The following KIAA1328 variants were observed in gnomAD, a reference collection of about 807,000 sequenced individuals.
KIAA1328 encodes the protein KIAA1328.
A neutral mutation model predicts 68.1 loss-of-function variants in KIAA1328; 52 were observed. That is an observed-to-expected ratio of 0.76 (90% confidence interval 0.61 to 0.96). The LOEUF (loss-of-function observed/expected upper bound fraction) is 0.96, where lower values mean the gene tolerates loss of function less well. Ranked by LOEUF, KIAA1328 falls within the 40% of genes least tolerant of loss-of-function variation. The probability of loss-of-function intolerance (pLI) is 0.00; values close to 1 mark genes in which losing one functional copy is unlikely to be tolerated. For synonymous variants in KIAA1328, 232 were observed against 239.4 expected, an observed-to-expected ratio of 0.97 and a Z score of 0.28; for missense variants, 641 against 677.6, an observed-to-expected ratio of 0.95 and a Z score of 0.60.
chr18:36,996,007 CATT>C (rs2053377156), intron 6 of KIAA1328, among the ~76,000 whole-genome samples: 1 of 152,116 alleles, frequency 6.6e-6, no homozygotes, highest in South Asian at 2.1e-4. Flanking sequence ...GCTTTACAAA[CATT>C]ATCTTTTATT....
At chr18:37,063,022 G>C (rs150475320) in intron 6 of KIAA1328, among the ~76,000 whole-genome samples, 157 of 149,388 alleles carry the variant, frequency 1.1e-3, no homozygotes, top group African/African-American at 3.6e-3. Context: ...TTAAAGTTCA[G>C]CTGGGCTGCA....
At chr18:36,900,052 TCATC>T (rs568707741) in intron 5 of KIAA1328, among the ~76,000 whole-genome samples, 61 of 151,924 alleles carry the variant, frequency 4.0e-4, no homozygotes, top group Admixed American at 2.6e-3. Context: ...TGGAATGAAA[TCATC>T]TATCATCTAC....
In KIAA1328 at chr18:36,857,327, C is replaced by G. The variant is rs537182330; in HGVS notation, c.332+13025C>G. On this transcript the variant is annotated intron_variant, in intron 4 of 9. Coordinates refer to ENST00000280020, the MANE Select transcript of KIAA1328 (RefSeq NM_020776.3). ...ACCTGCTGTCTCTTTTGCCAGGTATCTGTGAGTAGTATATGTCATCTTTAA... is the reference window on the plus strand; with the variant it reads ...ACCTGCTGTCTCTTTTGCCAGGTATGTGTGAGTAGTATATGTCATCTTTAA... Among the ~76,000 whole-genome samples, 9 of 152,282 alleles carry G rather than the reference C, an allele frequency of 5.9e-5. No individual in the cohort carries two copies. The South Asian group carries it at 1.9e-3, about 32-fold the overall frequency.
At chr18:36,992,451 C>CTTTTTTTTTTT (rs71168252) in intron 6 of KIAA1328, among the ~76,000 whole-genome samples, 82 of 130,044 alleles carry the variant, frequency 6.3e-4, no homozygotes, top group African/African-American at 2.6e-3. Flanking sequence ...TCTTTTCTTT[C>CTTTTTTTTTTT]TTTTTTTTTT....
chr18:37,011,490 T>G (rs946945481), intron 6 of KIAA1328, among the ~76,000 whole-genome samples: 6 of 152,138 alleles, frequency 3.9e-5, no homozygotes, highest in African/African-American at 1.2e-4. Context: ...CTCATCCTAA[T>G]CCAAGTCTAC....
chr18:37,184,572 G>A (rs1239200519), intron 9 of KIAA1328, among the ~76,000 whole-genome samples: 3 of 152,194 alleles, frequency 2.0e-5, no homozygotes, highest in Non-Finnish European at 4.4e-5. Context: ...AGAGCTTAGA[G>A]GAAAGGGCAT....
At chr18:37,003,337 G>A (rs753147612) in intron 6 of KIAA1328, among the ~76,000 whole-genome samples, 3 of 151,650 alleles carry the variant, frequency 2.0e-5, no homozygotes, top group Non-Finnish European at 4.4e-5. Flanking sequence ...AAAAATGGGC[G>A]AATAGGACTT....
chr18:37,186,237 C>T (rs1316242565), intron 9 of KIAA1328, among the ~76,000 whole-genome samples: 1 of 150,590 alleles, frequency 6.6e-6, no homozygotes, highest in Non-Finnish European at 1.5e-5. Flanking sequence ...GCTGGGATTA[C>T]AGACTTGCGC....
intron 7 of KIAA1328, among the ~76,000 whole-genome samples, chr18:37,145,347 T>C (rs1352449087): frequency 6.6e-6 from 1 of 152,256 alleles, no homozygotes. Flanking sequence ...TAGAAATGTA[T>C]TGAACTTTAT....
rs557743143 is a variant in KIAA1328 at position 37,054,474 on chromosome 18, T to C, written c.577-12416T>C. 2.0e-5 allele frequency among the ~76,000 whole-genome samples: 3 copies of C among 152,354 alleles called. No homozygotes were observed. In the South Asian group the frequency reaches 6.2e-4, roughly 32 times the overall value. ...GGTATAGATACACCATGAAATAGTA[T>C]GCAGCCATAGAAAAGAATGAAATCA... On this transcript the variant is annotated intron_variant, in intron 6 of 9. Transcript: ENST00000280020.
intron 7 of KIAA1328, among the ~76,000 whole-genome samples, chr18:37,085,759 T>G (rs1370987130): frequency 2.0e-5 from 3 of 152,130 alleles, no homozygotes; most frequent in Non-Finnish European, 4.4e-5. Flanking sequence ...CTCCCTCCTT[T>G]TCTCCCTTTT....
chr18:37,122,747 A>G (rs2058302819), intron 7 of KIAA1328, among the ~76,000 whole-genome samples: 2 of 152,078 alleles, frequency 1.3e-5, no homozygotes, highest in African/African-American at 4.8e-5. Flanking sequence ...TCTGCTTACT[A>G]TAGTACGGGA....
At position 37,067,042 on chromosome 18, in the gene KIAA1328, G is replaced by C. The variant is rs1380842533; in HGVS notation, c.729G>C (p.Arg243Ser). ...CTTCAGAATCCCTTATAGCATTTAGGAATAATTCTTTGAAACCAGTAACCC... is the reference window on the plus strand; with the variant it reads ...CTTCAGAATCCCTTATAGCATTTAGCAATAATTCTTTGAAACCAGTAACCC... ...DSASESLIAF[R>S]NNSLKPVTLH... The change falls in exon 7 of 10, where the codon AGG (arginine) becomes AGC (serine). Residue 243 changes from arginine to serine, a missense_variant. Coordinates refer to ENST00000280020, the MANE Select transcript of KIAA1328 (RefSeq NM_020776.3). 6.2e-7 allele frequency: 1 copy of C among 1,613,756 alleles called. No individual in the cohort carries two copies.
In KIAA1328 at chr18:37,172,971, AG is replaced by A. The variant is rs1183758291; in HGVS notation, c.1416del. On this transcript the variant is annotated splice_acceptor_variant, in intron 8 of 9. Coordinates refer to ENST00000280020, the MANE Select transcript of KIAA1328 (RefSeq NM_020776.3). LOFTEE classifies it high-confidence loss of function. ...AAATTATTTTCTTTATTTTTCATATAGGGACAGTGACAGGAGTTAGAAAAGA... is the reference window on the plus strand; with the variant it reads ...AAATTATTTTCTTTATTTTTCATATAGGACAGTGACAGGAGTTAGAAAAGA... The A allele has an allele frequency of 1.9e-6, 3 of 1,599,366 alleles. No homozygotes were observed.
At chr18:37,132,165 T>C (rs183227008) in intron 7 of KIAA1328, among the ~76,000 whole-genome samples, 110 of 152,324 alleles carry the variant, frequency 7.2e-4, no homozygotes, top group Non-Finnish European at 1.2e-3. Context: ...AGGGCCATTT[T>C]TGAGGCCCCT....
At chr18:37,211,205 T>C (rs2060309560) in intron 9 of KIAA1328, among the ~76,000 whole-genome samples, 1 of 152,230 alleles carries the variant, frequency 6.6e-6, no homozygotes, top group African/African-American at 2.4e-5. Context: ...GATGGAAAGA[T>C]TGAAGACATT....
intron 5 of KIAA1328, among the ~76,000 whole-genome samples, chr18:36,940,170 G>A (rs1457325715): frequency 6.6e-6 from 1 of 152,190 alleles, no homozygotes; most frequent in East Asian, 1.9e-4. Flanking sequence ...TGCAAGATGG[G>A]CAGAAATGGA....
intron 7 of KIAA1328, among the ~76,000 whole-genome samples, chr18:37,137,922 A>T (rs2058680908): frequency 6.6e-6 from 1 of 152,104 alleles, no homozygotes; most frequent in African/African-American, 2.4e-5. Context: ...TGATTTACAC[A>T]TCCCTCAAAT....
chr18:37,029,064 GA>G (rs2054713845), intron 6 of KIAA1328, among the ~76,000 whole-genome samples: 1 of 152,018 alleles, frequency 6.6e-6, no homozygotes. Context: ...CCTCCTACTT[GA>G]TTTTTTGGAA....
Sources: allele counts gnomAD v4.1 joint callset (sites outside exome capture counted in the v4.1 genomes callset), GRCh38; gene constraint gnomAD v4.1.1; transcripts MANE v1.5; gene names NCBI Gene and HGNC (gene_info 2026-07-23, HGNC 2026-07-21).